The following C10orf90 variants were observed in gnomAD, a reference collection of about 807,000 sequenced individuals.
C10orf90 encodes chromosome 10 open reading frame 90.
In C10orf90, 56 loss-of-function variants were observed where a neutral mutation model predicts 62.5. The ratio of observed to expected loss-of-function variants is 0.90; its 90% CI spans 0.72 to 1.12. C10orf90 has a LOEUF of 1.12. Ranked by LOEUF, C10orf90 falls within the 50% of genes most tolerant of loss-of-function variation. The pLI is 0.00. For synonymous variants in C10orf90, 386 were observed against 340.4 expected (o/e 1.13, Z -1.47); for missense variants, 970 against 880.4 (o/e 1.10, Z -1.29).
intron 2 of C10orf90, among the ~76,000 whole-genome samples, chr10:126,553,584 T>C (rs140171740): frequency 1.3e-5 from 2 of 152,324 alleles, no homozygotes; most frequent in East Asian, 1.9e-4. Context: ...CGTATAGATA[T>C]GTTTAGATAC....
At chr10:126,512,743 G>A (rs893641641) in intron 3 of C10orf90, among the ~76,000 whole-genome samples, 1 of 152,012 alleles carries the variant, frequency 6.6e-6, no homozygotes, top group Non-Finnish European at 1.5e-5. Context: ...CTCCTGCTCC[G>A]AGGGAACAAA....
intron 2 of C10orf90, among the ~76,000 whole-genome samples, chr10:126,566,294 T>G (rs1564874975): frequency 6.6e-6 from 1 of 152,214 alleles, no homozygotes; most frequent in Non-Finnish European, 1.5e-5. Context: ...GTTTTCAAAG[T>G]AAGCGAATAT....
chr10:126,583,207 CA>C, intron 2 of C10orf90, among the ~76,000 whole-genome samples: 1 of 152,314 alleles, frequency 6.6e-6, no homozygotes, highest in African/African-American at 2.4e-5. Flanking sequence ...TTTGCCAAAA[CA>C]AACTGCAAGA....
intron 2 of C10orf90, among the ~76,000 whole-genome samples, chr10:126,562,295 C>T (rs528337907): frequency 1.4e-4 from 22 of 152,332 alleles, no homozygotes; most frequent in African/African-American, 5.3e-4. Context: ...ACCCCCTGCC[C>T]TCCCTTAGAC....
intron 4 of C10orf90, among the ~76,000 whole-genome samples, chr10:126,476,272 T>TG (rs768350341): frequency 6.6e-6 from 1 of 152,216 alleles, no homozygotes; most frequent in Non-Finnish European, 1.5e-5. Flanking sequence ...AGACACTTTT[T>TG]GCAAACCTCA....
chr10:126,625,169 T>A (rs1012552002), intron 2 of C10orf90, among the ~76,000 whole-genome samples: 2 of 152,110 alleles, frequency 1.3e-5, no homozygotes, highest in African/African-American at 4.8e-5. Flanking sequence ...CACGTGCCAT[T>A]TCCCCCGTCA....
chr10:126,632,092 A>C (rs180951455), intron 2 of C10orf90, among the ~76,000 whole-genome samples: 1 of 152,234 alleles, frequency 6.6e-6, no homozygotes, highest in African/African-American at 2.4e-5. Flanking sequence ...TCGAAGAGAC[A>C]CCATGTTGCC....
chr10:126,662,081 T>C (rs1352467063), intron 1 of C10orf90, among the ~76,000 whole-genome samples: 1 of 90,512 alleles, frequency 1.1e-5, no homozygotes, highest in East Asian at 3.3e-4. Context: ...CTGGATTTTG[T>C]TGTAGTCTTG....
At chr10:126,633,196 C>A (rs1452881421) in intron 2 of C10orf90, among the ~76,000 whole-genome samples, 1 of 152,228 alleles carries the variant, frequency 6.6e-6, no homozygotes, top group Non-Finnish European at 1.5e-5. Context: ...TCCATCCTCC[C>A]TCCATCAACT....
At chr10:126,664,407 A>G (rs1448396936) in intron 1 of C10orf90, among the ~76,000 whole-genome samples, 1 of 152,122 alleles carries the variant, frequency 6.6e-6, no homozygotes, top group Non-Finnish European at 1.5e-5. Context: ...AACCCTTTAT[A>G]TAGGTTATCT....
At chr10:126,544,609 G>T (rs1303817203) in intron 2 of C10orf90, among the ~76,000 whole-genome samples, 1 of 151,800 alleles carries the variant, frequency 6.6e-6, no homozygotes, top group Admixed American at 6.6e-5. Context: ...CTGCTTTGTT[G>T]GTGGAGATTT....
chr10:126,614,682 G>A (rs1340992497), intron 2 of C10orf90, among the ~76,000 whole-genome samples: 1 of 152,110 alleles, frequency 6.6e-6, no homozygotes, highest in Non-Finnish European at 1.5e-5. Context: ...GCTAGGGAAG[G>A]TTCATCAAAC....
At chr10:126,521,498 T>A in intron 2 of C10orf90, 1 of 1,412,666 alleles carries the variant, frequency 7.1e-7, no homozygotes, top group Non-Finnish European at 9.2e-7. Context: ...CTATATGTAA[T>A]GAAGTCACCG....
chr10:126,602,081 GCACAGTCTGTCCCTCCCAATGAGGCC>G lies in C10orf90; in HGVS notation c.313+44458_313+44483del, dbSNP rs551747363. Among the ~76,000 whole-genome samples the G allele has an allele frequency of 7.9e-5, 12 of 152,270 alleles. No homozygotes were observed. The East Asian group carries it at 1.4e-3, about 17-fold the overall frequency. The stretch of plus-strand genomic sequence containing the variant: ...CAAAGCTGGCCCCTCTTACATGAGC[GCACAGTCTGTCCCTCCCAATGAGGCC>G]CACAGATCCAGCTCCAGGAAAACTG... On this transcript the variant is annotated intron_variant, in intron 2 of 9. Coordinates refer to ENST00000488181, the MANE Select transcript of C10orf90 (RefSeq NM_001350921.2).
chr10:126,561,232 C>T (rs1296727514), intron 2 of C10orf90, among the ~76,000 whole-genome samples: 2 of 152,192 alleles, frequency 1.3e-5, no homozygotes, highest in African/African-American at 2.4e-5. Flanking sequence ...GAATATAATT[C>T]ATAACCTGCC....
At chr10:126,646,181 A>G (rs558489509) in intron 2 of C10orf90, among the ~76,000 whole-genome samples, 2 of 152,356 alleles carry the variant, frequency 1.3e-5, no homozygotes, top group African/African-American at 4.8e-5. Flanking sequence ...AAAAAGATTT[A>G]TGAATGCACA....
intron 4 of C10orf90, among the ~76,000 whole-genome samples, chr10:126,494,406 A>T (rs1018708158): frequency 3.9e-5 from 6 of 152,186 alleles, no homozygotes; most frequent in Non-Finnish European, 7.3e-5. Flanking sequence ...CTGAATTTTA[A>T]CACACAACGA....
chr10:126,558,979 C>T (rs4962346), intron 2 of C10orf90, among the ~76,000 whole-genome samples: 95,672 of 152,186 alleles, frequency 0.63, 30,663 homozygotes, highest in African/African-American at 0.73. Flanking sequence ...ACTGGAATGA[C>T]TGAGAAGCCA....
At chr10:126,498,150 G>A (rs553262354) in intron 4 of C10orf90, among the ~76,000 whole-genome samples, 6 of 152,192 alleles carry the variant, frequency 3.9e-5, no homozygotes, top group Non-Finnish European at 5.9e-5. Flanking sequence ...AAGGCTTTGC[G>A]TCTAGTGGTG....
Sources: gnomAD v4.1 joint callset for allele counts (sites outside exome capture counted in the v4.1 genomes callset) on GRCh38, gnomAD v4.1.1 for gene constraint, MANE v1.5 for transcripts, NCBI Gene and HGNC (gene_info 2026-07-23, HGNC 2026-07-21) for gene names.